SIRT4: variants seen among roughly 807,000 people sequenced by gnomAD.
SIRT4 encodes sirtuin 4, also known as NAD-dependent protein lipoamidase sirtuin-4, mitochondrial.
In SIRT4, 23 loss-of-function variants were observed where a neutral mutation model predicts 26.1. That is an observed-to-expected ratio of 0.88 (90% confidence interval 0.63 to 1.25). SIRT4 has a LOEUF of 1.25. Among genes scored for constraint, SIRT4 ranks in the 50% most tolerant of loss-of-function variants. SIRT4 has a pLI of 0.00. For missense variants in SIRT4, 361 were observed against 405.4 expected (o/e 0.89, Z 0.94); for synonymous variants, 155 against 158.4 (o/e 0.98, Z 0.16).
rs139827782 is a variant in SIRT4 at position 120,310,584 on chromosome 12, A to G, written c.498-1872A>G. ...GGCTGACTAGAACTAAAAGGAGAAA[A>G]ATGAGGCTGGTTGTGGTGGCTCACA... On this transcript the variant is annotated intron_variant, in intron 2 of 3. Transcript: ENST00000202967. Among the ~76,000 whole-genome samples, 425 of 151,334 alleles carry G rather than the reference A, an allele frequency of 2.8e-3. 3 individuals are homozygous for G. The highest frequency in any genetic ancestry group is 9.9e-3 in the African/African-American group (410 of 41,264).
the SIRT4 span, among the ~76,000 whole-genome samples, chr12:120,296,523 T>G: frequency 6.7e-6 from 1 of 150,322 alleles, no homozygotes; most frequent in Admixed American, 6.6e-5. Context: ...TTTGTTTTTT[T>G]TTTTTTGAGA....
Position 120,303,053 on chromosome 12 carries a change from G to T in SIRT4, c.-1-508G>T, listed in dbSNP as rs189160017. On this transcript the variant is annotated intron_variant, in intron 1 of 3. Transcript: ENST00000202967. ...TTGTTACAGCTAGAAAAGCTGACGG[G>T]CAGGGGTCTTGTCTCTCTGATGTGT... Among the ~76,000 whole-genome samples, 116 of 152,118 alleles carry T rather than the reference G, an allele frequency of 7.6e-4. 2 individuals are homozygous for T. The South Asian group carries it at 0.011, about 15-fold the overall frequency.
chr12:120,309,163 CAA>C (rs1006547890), intron 2 of SIRT4, among the ~76,000 whole-genome samples: 4 of 152,002 alleles, frequency 2.6e-5, no homozygotes, highest in Non-Finnish European at 4.4e-5. Flanking sequence ...GCCTGGGCGA[CAA>C]GAGTGAAACT....
intron 2 of SIRT4, among the ~76,000 whole-genome samples, chr12:120,304,835 A>ATATATATAT (rs1872689615): frequency 4.0e-5 from 1 of 24,862 alleles, no homozygotes; most frequent in South Asian, 1.2e-3. Flanking sequence ...ATATATATAT[A>ATATATATAT]TTTTTTTTTT....
chr12:120,307,997 C>A (rs1288149710), intron 2 of SIRT4, among the ~76,000 whole-genome samples: 2 of 151,734 alleles, frequency 1.3e-5, no homozygotes, highest in Non-Finnish European at 1.5e-5. Context: ...TTGGAATAAT[C>A]AGTTGAGAAA....
chr12:120,292,813 A>G, the SIRT4 span, among the ~76,000 whole-genome samples: 1 of 152,134 alleles, frequency 6.6e-6, no homozygotes, highest in African/African-American at 2.4e-5. Flanking sequence ...TCTCAAAAAG[A>G]AAACAGTGCG....
chr12:120,292,961 T>C, the SIRT4 span: 1 of 152,158 alleles, frequency 6.6e-6, no homozygotes, highest in South Asian at 2.1e-4. Context: ...GCAGGTGCTC[T>C]CGCGAATCAG....
chr12:120,304,837 T>TATA (rs1566463549), intron 2 of SIRT4, among the ~76,000 whole-genome samples: 66 of 8,816 alleles, frequency 7.5e-3, no homozygotes, highest in South Asian at 0.022. Flanking sequence ...ATATATATAT[T>TATA]TTTTTTTTTT....
chr12:120,312,489 C>G lies in SIRT4; in HGVS notation c.531C>G (p.Pro177=). Residue 177 remains proline, a synonymous_variant, in exon 3 of 4, where the codon CCC becomes CCG. Coordinates refer to ENST00000202967, the MANE Select transcript of SIRT4 (RefSeq NM_012240.3). ...VLCLDCGEQT[P]RGVLQERFQV... ...GCTTGGATTGTGGGGAACAGACTCC[C>G]CGGGGGGTGCTGCAAGAGCGTTTCC... is the stretch of plus-strand genomic sequence containing the variant. 1.2e-6 allele frequency: 2 copies of G among 1,613,924 alleles called. No homozygotes were observed. The highest frequency in any genetic ancestry group is 1.7e-6 in the Non-Finnish European group (2 of 1,179,950).
At chr12:120,293,015 C>CAAGT in the SIRT4 span, 3 of 150,644 alleles carry the variant, frequency 2.0e-5, no homozygotes, top group East Asian at 5.8e-4. Context: ...AGTTTGCGAA[C>CAAGT]AAGTACTCTT....
At chr12:120,309,262 G>T (rs779220805) in intron 2 of SIRT4, among the ~76,000 whole-genome samples, 1 of 151,990 alleles carries the variant, frequency 6.6e-6, no homozygotes, top group Non-Finnish European at 1.5e-5. Context: ...AAAGTAAAGA[G>T]AATTGTATAA....
At chr12:120,305,386 G>A (rs1330559404) in intron 2 of SIRT4, among the ~76,000 whole-genome samples, 6 of 151,856 alleles carry the variant, frequency 4.0e-5, no homozygotes. Flanking sequence ...AAGTAGCTGG[G>A]ACTACAGGCA....
rs1265869922 is a variant in SIRT4, at chr12:120,303,599, A to G, written c.38A>G (p.Lys13Arg). The G allele has an allele frequency of 1.2e-6, 2 of 1,613,862 alleles. No individual in the cohort carries two copies. Among genetic ancestry groups the G allele is most frequent in the Admixed American group, 1.7e-5 (1 of 59,922 alleles). ...TTTGCGTTGACTTTCAGGTCAGCAA[A>G]AGGCCGTTGGATCGCAAACCCCAGC... is the stretch of plus-strand genomic sequence containing the variant. ...MSFALTFRSA[K>R]GRWIANPSQP... The change falls in exon 2 of 4, where the codon AAA becomes AGA. Residue 13 changes from lysine to arginine, a missense_variant. Physicochemically the swap from Lys to Arg is conservative, Grantham distance 26 (BLOSUM62 2). Transcript: ENST00000202967.
At chr12:120,312,822 GT>G in intron 3 of SIRT4, 61 bp from the exon 4 acceptor site, 1 of 1,609,024 alleles carries the variant, frequency 6.2e-7, no homozygotes, top group Admixed American at 1.7e-5. Context: ...ACCCTGTTTG[GT>G]TTAACTTTTT....
intron 2 of SIRT4, among the ~76,000 whole-genome samples, chr12:120,310,005 C>T (rs563234204): frequency 2.8e-4 from 43 of 152,076 alleles, no homozygotes; most frequent in Non-Finnish European, 5.7e-4. Flanking sequence ...GTGTGAGTCA[C>T]CGTGCCCGGC....
intron 2 of SIRT4, among the ~76,000 whole-genome samples, chr12:120,304,824 TA>T (rs1872681011): frequency 9.6e-6 from 1 of 104,210 alleles, no homozygotes; most frequent in African/African-American, 4.6e-5. Flanking sequence ...TATATATATA[TA>T]TATATATATA....
upstream of SIRT4, among the ~76,000 whole-genome samples, chr12:120,302,161 A>AT (rs1872573273): frequency 6.6e-6 from 1 of 152,174 alleles, no homozygotes; most frequent in African/African-American, 2.4e-5. Flanking sequence ...AAAATCCATG[A>AT]TTAAAAGCTT....
chr12:120,308,731 T>A (rs1872843445), intron 2 of SIRT4, among the ~76,000 whole-genome samples: 1 of 152,176 alleles, frequency 6.6e-6, no homozygotes, highest in African/African-American at 2.4e-5. Flanking sequence ...TAGTGGTTTC[T>A]GAGCAAGCAA....
At position 120,311,850 on chromosome 12, in the gene SIRT4, A is replaced by G. The variant is rs541118827; in HGVS notation, c.498-606A>G. On this transcript the variant is annotated intron_variant, in intron 2 of 3. Coordinates refer to ENST00000202967, the MANE Select transcript of SIRT4 (RefSeq NM_012240.3). ...GAAGGAATGGTAATAGACAGTGGCA[A>G]ATTCAGCAGATGAGCAAGGGAAAGT... 2.1e-3 allele frequency among the ~76,000 whole-genome samples: 317 copies of G among 152,070 alleles called. 2 individuals carry two copies. Among genetic ancestry groups the G allele is most frequent in the Non-Finnish European group, 3.3e-3 (225 of 68,008 alleles).
Sources: gnomAD v4.1 joint callset for allele counts (sites outside exome capture counted in the v4.1 genomes callset) on GRCh38, gnomAD v4.1.1 for gene constraint, MANE v1.5 for transcripts, NCBI Gene and HGNC (gene_info 2026-07-23, HGNC 2026-07-21) for gene names.